STYX: variants seen among roughly 807,000 people sequenced by gnomAD.
STYX encodes the protein serine/threonine/tyrosine-interacting protein.
Under a neutral mutation model 42.7 loss-of-function variants are expected in STYX, and 20 were observed. The observed-to-expected ratio is 0.47, with a 90% CI of 0.33 to 0.68. The LOEUF is 0.68. Among genes scored for constraint, STYX ranks in the 30% least tolerant of loss-of-function variants. The pLI, the probability that STYX is intolerant of heterozygous loss-of-function variation, is 0.02. For synonymous variants in STYX, 78 were observed against 81.9 expected, an observed-to-expected ratio of 0.95 and a Z score of 0.26; for missense variants, 226 against 268.5, an observed-to-expected ratio of 0.84 and a Z score of 1.11.
chr14:52,750,830 A>C, intron 4 of STYX, 50 bp downstream of exon 4: 1 of 1,289,684 alleles, frequency 7.8e-7, no homozygotes, highest in Non-Finnish European at 1.1e-6. Flanking sequence ...GTTTCATTTC[A>C]GGTTTTGTAC....
chr14:52,751,192 A>AT (rs899534036), intron 4 of STYX, among the ~76,000 whole-genome samples: 6 of 151,246 alleles, frequency 4.0e-5, no homozygotes, highest in South Asian at 2.1e-4. Context: ...TTATAGATAA[A>AT]TTTTTTTTTA....
intron 1 of STYX, among the ~76,000 whole-genome samples, chr14:52,736,480 A>G (rs1230820007): frequency 2.0e-5 from 3 of 152,186 alleles, no homozygotes; most frequent in African/African-American, 7.2e-5. Context: ...TATTGGTTTT[A>G]TAATTTAAAA....
intron 1 of STYX, among the ~76,000 whole-genome samples, 175 bp downstream of exon 1, chr14:52,730,706 C>T (rs1282617770): frequency 1.3e-5 from 2 of 152,238 alleles, no homozygotes; most frequent in African/African-American, 4.8e-5. Flanking sequence ...GTTGCTCGTC[C>T]TCTCCAGACC....
intron 3 of STYX, among the ~76,000 whole-genome samples, chr14:52,747,015 T>A (rs1202813729): frequency 1.3e-5 from 2 of 152,198 alleles, no homozygotes. Context: ...CTGGAGTATT[T>A]CGGATTTCGG....
chr14:52,735,817 A>C (rs542103840), intron 1 of STYX, among the ~76,000 whole-genome samples: 1 of 152,340 alleles, frequency 6.6e-6, no homozygotes, highest in South Asian at 2.1e-4. Flanking sequence ...CTACAAGAAT[A>C]TTACTTTCAC....
At chr14:52,748,328 A>G (rs1566673206) in intron 3 of STYX, among the ~76,000 whole-genome samples, 1 of 152,154 alleles carries the variant, frequency 6.6e-6, no homozygotes, top group Non-Finnish European at 1.5e-5. Context: ...TCCTGGGCTC[A>G]AGCTGTCTTC....
At chr14:52,753,892 ATTT>A (rs56734068) in intron 4 of STYX, among the ~76,000 whole-genome samples, 5 of 77,244 alleles carry the variant, frequency 6.5e-5, no homozygotes, top group South Asian at 9.7e-4. Flanking sequence ...CAAAACACTG[ATTT>A]TTTTTTTTTT....
At chr14:52,746,301 T>C (rs1427187407) in intron 2 of STYX, 125 bp from the exon 3 acceptor site, 3 of 610,150 alleles carry the variant, frequency 4.9e-6, no homozygotes, top group Non-Finnish European at 8.1e-6. Context: ...AAAAAATAGA[T>C]AATAGTTCCA....
chr14:52,765,811 C>T (rs1882282958), intron 9 of STYX, among the ~76,000 whole-genome samples: 1 of 152,086 alleles, frequency 6.6e-6, no homozygotes, highest in Admixed American at 6.6e-5. Flanking sequence ...TCCTGTGAGA[C>T]TCTAATGCTG....
At chr14:52,768,285 C>G (rs1340952004) in intron 9 of STYX, among the ~76,000 whole-genome samples, 1 of 151,936 alleles carries the variant, frequency 6.6e-6, no homozygotes, top group Non-Finnish European at 1.5e-5. Context: ...GAATGTTTAC[C>G]AGGACACCAA....
chr14:52,765,748 C>T (rs546025289), intron 9 of STYX, among the ~76,000 whole-genome samples: 7 of 152,068 alleles, frequency 4.6e-5, no homozygotes, highest in Non-Finnish European at 8.8e-5. Context: ...GAGTGTGCAA[C>T]CTAGATCCCT....
intron 1 of STYX, among the ~76,000 whole-genome samples, chr14:52,735,795 ATTC>A (rs1769799341): frequency 6.6e-6 from 1 of 152,240 alleles, no homozygotes. Flanking sequence ...TAGGTTGATG[ATTC>A]TGTCACCTCT....
chr14:52,758,546 A>G (rs1881964705), intron 8 of STYX, among the ~76,000 whole-genome samples: 1 of 152,162 alleles, frequency 6.6e-6, no homozygotes, highest in South Asian at 2.1e-4. Context: ...AAAAATATCT[A>G]TTCTTAAAGG....
chr14:52,740,136 G>T (rs1329992330), intron 1 of STYX, among the ~76,000 whole-genome samples: 2 of 152,102 alleles, frequency 1.3e-5, no homozygotes, highest in Non-Finnish European at 2.9e-5. Flanking sequence ...AATTAGCCAG[G>T]TTTGGTGGTG....
At position 52,738,622 on chromosome 14, in the gene STYX, A is replaced by G. The variant is rs891351239; in HGVS notation, c.58-6230A>G. 3.3e-5 allele frequency among the ~76,000 whole-genome samples: 5 copies of G among 152,328 alleles called. No homozygotes were observed. In the East Asian group the frequency reaches 7.7e-4, roughly 23 times the overall value. Reference sequence around the variant, plus strand: ...ATTGCCAAATGAAGGTGTTGAGGAAATGCCACTCCAAAATATGACACCTTG... The same window carrying G: ...ATTGCCAAATGAAGGTGTTGAGGAAGTGCCACTCCAAAATATGACACCTTG... On this transcript the variant is annotated intron_variant, in intron 1 of 10. Coordinates refer to ENST00000354586, the MANE Select transcript of STYX (RefSeq NM_145251.4).
Position 52,744,902 on chromosome 14 carries a change from T to C in STYX, c.90+18T>C, listed in dbSNP as rs1881335127. 6.2e-7 allele frequency: 1 copy of C among 1,612,488 alleles called. No homozygotes were observed. ...AGATGCAGGTATGGCAACCTTTTCTTTGTTCAAACCAACCCATGTTATTAT... is the reference window on the plus strand; with the variant it reads ...AGATGCAGGTATGGCAACCTTTTCTCTGTTCAAACCAACCCATGTTATTAT... On this transcript the variant is annotated intron_variant, in intron 2 of 10. Transcript: ENST00000354586.
rs945279162 is a variant in STYX at position 52,730,223 on chromosome 14, T to C, written c.-252T>C. 93 of 562,764 alleles carry C rather than the reference T, an allele frequency of 1.7e-4. 1 individual carries two copies. In the African/African-American group the frequency reaches 1.7e-3, roughly 10 times the overall value. 34.9% of individuals were successfully genotyped at this position (562,764 alleles called of 1,614,324 possible). A position where few individuals can be genotyped will look rare whatever the true frequency, so the allele number is the denominator to read the frequency against. On this transcript the variant is annotated 5_prime_UTR_variant, in exon 1 of 11. Coordinates refer to ENST00000354586, the MANE Select transcript of STYX (RefSeq NM_145251.4). ...GGCGGCCTGAGGGGTACGGAGACTC[T>C]GGGGGAGGGAGACGGCAGCGGCATG...
chr14:52,769,711 TGTCA>T (rs1469245298), intron 10 of STYX, among the ~76,000 whole-genome samples: 1 of 152,160 alleles, frequency 6.6e-6, no homozygotes, highest in African/African-American at 2.4e-5. Context: ...GGGTCCGTTT[TGTCA>T]GTATTGTTAA....
At chr14:52,755,764 C>A (rs1271345699) in intron 4 of STYX, among the ~76,000 whole-genome samples, 2 of 148,056 alleles carry the variant, frequency 1.4e-5, no homozygotes, top group Non-Finnish European at 3.0e-5. Flanking sequence ...ATAGACCATA[C>A]CTTCCGTTTT....
Sources: allele counts gnomAD v4.1 joint callset (sites outside exome capture counted in the v4.1 genomes callset), GRCh38; gene constraint gnomAD v4.1.1; transcripts MANE v1.5; gene names NCBI Gene and HGNC (gene_info 2026-07-23, HGNC 2026-07-21).